MSRA: variants seen among roughly 807,000 people sequenced by gnomAD.
MSRA encodes methionine sulfoxide reductase A.
MSRA carries 54 observed loss-of-function variants against 31.3 expected under a neutral mutation model. The observed-to-expected ratio is 1.73, with a 90% CI of 1.39 to 2.17. The LOEUF is 2.17. Among genes scored for constraint, MSRA ranks in the 30% most tolerant of loss-of-function variants. MSRA has a pLI of 0.00. For missense variants in MSRA, 507 were observed against 300.9 expected, an observed-to-expected ratio of 1.69 and a Z score of -5.07; for synonymous variants, 169 against 116.5, an observed-to-expected ratio of 1.45 and a Z score of -2.90.
At chr8:10,205,577 G>T (rs1319738910) in intron 1 of MSRA, among the ~76,000 whole-genome samples, 1 of 152,130 alleles carries the variant, frequency 6.6e-6, no homozygotes, top group Admixed American at 6.5e-5. Flanking sequence ...GACAGACCTT[G>T]ATGGATTGTC....
At chr8:10,310,738 G>C (rs935649399) in intron 4 of MSRA, among the ~76,000 whole-genome samples, 1 of 152,222 alleles carries the variant, frequency 6.6e-6, no homozygotes, top group Non-Finnish European at 1.5e-5. Context: ...GTGGAATTCG[G>C]ACTTCAGGGC....
intron 3 of MSRA, among the ~76,000 whole-genome samples, chr8:10,249,208 A>G (rs1192505066): frequency 6.6e-6 from 1 of 152,216 alleles, no homozygotes; most frequent in African/African-American, 2.4e-5. Flanking sequence ...TTATTTACAG[A>G]AAGAAAATGC....
intron 5 of MSRA, among the ~76,000 whole-genome samples, chr8:10,410,289 T>G (rs1345835403): frequency 6.6e-6 from 1 of 152,012 alleles, no homozygotes; most frequent in African/African-American, 2.4e-5. Context: ...GGACCAAAAA[T>G]CTGGGTGGCC....
intron 3 of MSRA, among the ~76,000 whole-genome samples, chr8:10,270,407 G>A (rs1356682558): frequency 4.1e-5 from 6 of 145,608 alleles, no homozygotes; most frequent in African/African-American, 7.6e-5. Flanking sequence ...GAAGCATACT[G>A]AAAAAAAAAA....
intron 3 of MSRA, among the ~76,000 whole-genome samples, chr8:10,296,932 G>A (rs1018063278): frequency 6.6e-6 from 1 of 152,162 alleles, no homozygotes; most frequent in Non-Finnish European, 1.5e-5. Context: ...CTTATGTACT[G>A]CGTGGGCCAG....
intron 5 of MSRA, among the ~76,000 whole-genome samples, chr8:10,367,431 C>T (rs1428891192): frequency 4.6e-5 from 7 of 152,048 alleles, no homozygotes; most frequent in African/African-American, 1.7e-4. Context: ...GGTCCCATAT[C>T]CTCTGAGGTT....
At chr8:10,258,024 T>G (rs1019026435) in intron 3 of MSRA, among the ~76,000 whole-genome samples, 2 of 152,172 alleles carry the variant, frequency 1.3e-5, no homozygotes, top group Non-Finnish European at 2.9e-5. Flanking sequence ...CGTTTCCAAG[T>G]GCATGGCATA....
At position 10,131,060 on chromosome 8, in the gene MSRA, A is replaced by G. The variant is rs569790094; in HGVS notation, c.142+76402A>G. 1.2e-4 allele frequency among the ~76,000 whole-genome samples: 18 copies of G among 152,330 alleles called. 2 individuals are homozygous for G. The South Asian group carries it at 3.7e-3, about 32-fold the overall frequency. On this transcript the variant is annotated intron_variant, in intron 1 of 5. Coordinates refer to ENST00000317173, the MANE Select transcript of MSRA (RefSeq NM_012331.5). ...TACAGAACTATAAAAGTTATCAGAA[A>G]GGACACATTCTTGCCTATTGCTTTG...
intron 3 of MSRA, among the ~76,000 whole-genome samples, chr8:10,248,168 C>G (rs1441694458): frequency 6.6e-6 from 1 of 152,194 alleles, no homozygotes; most frequent in African/African-American, 2.4e-5. Context: ...AAATACTAGT[C>G]TGTACTCTAG....
At chr8:10,064,539 T>G (rs1029985421) in intron 1 of MSRA, among the ~76,000 whole-genome samples, 3 of 152,160 alleles carry the variant, frequency 2.0e-5, no homozygotes, top group Non-Finnish European at 2.9e-5. Flanking sequence ...CAGGAAGAAA[T>G]GTGGTGACAG....
At chr8:10,421,699 A>G (rs1039499194) in intron 5 of MSRA, among the ~76,000 whole-genome samples, 16 of 152,160 alleles carry the variant, frequency 1.1e-4, no homozygotes, top group Admixed American at 7.2e-4. Flanking sequence ...CACGCCTTCC[A>G]TAAGGAGTGA....
At chr8:10,273,474 C>T (rs995953458) in intron 3 of MSRA, among the ~76,000 whole-genome samples, 1 of 152,050 alleles carries the variant, frequency 6.6e-6, no homozygotes, top group Non-Finnish European at 1.5e-5. Flanking sequence ...GTTTTCTATC[C>T]CACAATATTC....
chr8:10,166,734 C>G (rs76234183), intron 1 of MSRA, among the ~76,000 whole-genome samples: 2 of 152,156 alleles, frequency 1.3e-5, no homozygotes, highest in Non-Finnish European at 2.9e-5. Context: ...GACATTTTTA[C>G]CATCTTAGCT....
chr8:10,272,090 C>G (rs1799073948), intron 3 of MSRA, among the ~76,000 whole-genome samples: 1 of 152,152 alleles, frequency 6.6e-6, no homozygotes, highest in Non-Finnish European at 1.5e-5. Flanking sequence ...ATGCTGGCTC[C>G]CTTCATGCCT....
At chr8:10,270,593 C>T (rs1244330402) in intron 3 of MSRA, among the ~76,000 whole-genome samples, 1 of 152,148 alleles carries the variant, frequency 6.6e-6, no homozygotes, top group Non-Finnish European at 1.5e-5. Flanking sequence ...AGCACAGGGC[C>T]ACTGAAACCA....
intron 1 of MSRA, among the ~76,000 whole-genome samples, chr8:10,194,824 G>C (rs1807835974): frequency 6.6e-6 from 1 of 152,196 alleles, no homozygotes; most frequent in Non-Finnish European, 1.5e-5. Context: ...ATCCCAGCCT[G>C]GCCCTCAGCC....
chr8:10,183,772 C>CTGG (rs144951163), intron 1 of MSRA, among the ~76,000 whole-genome samples: 9,235 of 141,826 alleles, frequency 0.065, 859 homozygotes, highest in African/African-American at 0.21. Flanking sequence ...ACAAGCTGAG[C>CTGG]TGGTGGTGGT....
chr8:10,138,544 G>A (rs1377448901), intron 1 of MSRA, among the ~76,000 whole-genome samples: 1 of 152,172 alleles, frequency 6.6e-6, no homozygotes. Flanking sequence ...AAATATGTCA[G>A]TCTTTTCAGT....
chr8:10,062,660 G>T (rs1404573846), intron 1 of MSRA, among the ~76,000 whole-genome samples: 14 of 152,120 alleles, frequency 9.2e-5, no homozygotes, highest in Admixed American at 9.2e-4. Flanking sequence ...TAATGGGGAC[G>T]AGCATAGTGC....
Sources: gnomAD v4.1 joint callset for allele counts (sites outside exome capture counted in the v4.1 genomes callset) on GRCh38, gnomAD v4.1.1 for gene constraint, MANE v1.5 for transcripts, NCBI Gene and HGNC (gene_info 2026-07-23, HGNC 2026-07-21) for gene names.